The following LOC400499 variants were observed in gnomAD, a reference collection of about 807,000 sequenced individuals.
At chr16:11,511,538 C>A in the LOC400499 span, among the ~76,000 whole-genome samples, 2 of 152,150 alleles carry the variant, frequency 1.3e-5, no homozygotes, top group Non-Finnish European at 2.9e-5. Flanking sequence ...CCAATTCATG[C>A]CACAACATGG....
chr16:11,423,119 C>T, the LOC400499 span: 2 of 399,124 alleles, frequency 5.0e-6, no homozygotes, highest in East Asian at 3.6e-5. Context: ...GCTGTGCCAG[C>T]CCCGCTGGAG....
chr16:11,503,753 A>C, the LOC400499 span, among the ~76,000 whole-genome samples: 1 of 152,220 alleles, frequency 6.6e-6, no homozygotes, highest in Non-Finnish European at 1.5e-5. Flanking sequence ...TTCTGTGGTC[A>C]GAGCCAGTGG....
chr16:11,478,811 C>A, the LOC400499 span: 11 of 397,448 alleles, frequency 2.8e-5, no homozygotes, highest in African/African-American at 1.9e-4. Flanking sequence ...GTGGGAAGGA[C>A]CCTATGGGAG....
chr16:11,477,339 T>C, the LOC400499 span, among the ~76,000 whole-genome samples: 1 of 152,234 alleles, frequency 6.6e-6, no homozygotes, highest in African/African-American at 2.4e-5. Flanking sequence ...TGGGGACAGA[T>C]GCTCAGCAGC....
the LOC400499 span, chr16:11,478,585 C>G: frequency 1.2e-4 from 47 of 399,088 alleles, no homozygotes; most frequent in African/African-American, 4.5e-4. Context: ...GTTCACGTGA[C>G]TCCCCGTGGC....
At chr16:11,478,563 A>C in the LOC400499 span, 212,302 of 398,670 alleles carry the variant, frequency 0.53, 60,145 homozygotes, top group African/African-American at 0.85. Flanking sequence ...CGGCCAAGTT[A>C]AGGGGCCAGT....
At chr16:11,521,311 A>C in the LOC400499 span, among the ~76,000 whole-genome samples, 1 of 152,212 alleles carries the variant, frequency 6.6e-6, no homozygotes, top group African/African-American at 2.4e-5. Context: ...ATCCAGGAAA[A>C]ATATGAGGGT....
chr16:11,394,352 G>A, the LOC400499 span, among the ~76,000 whole-genome samples: 3 of 152,188 alleles, frequency 2.0e-5, no homozygotes, highest in East Asian at 1.9e-4. Flanking sequence ...GCCCTGCAGG[G>A]GAGGGAGCCT....
At chr16:11,513,852 AG>A in the LOC400499 span, among the ~76,000 whole-genome samples, 1 of 152,170 alleles carries the variant, frequency 6.6e-6, no homozygotes, top group South Asian at 2.1e-4. Context: ...ATCCTTCCAA[AG>A]TCCCAGCAGT....
the LOC400499 span, among the ~76,000 whole-genome samples, chr16:11,497,140 G>A: frequency 6.2e-4 from 95 of 152,280 alleles, no homozygotes; most frequent in African/African-American, 2.1e-3. Flanking sequence ...GTCTGTGCAT[G>A]TACACATGAT....
the LOC400499 span, among the ~76,000 whole-genome samples, chr16:11,522,488 C>A: frequency 6.6e-6 from 1 of 152,142 alleles, no homozygotes; most frequent in South Asian, 2.1e-4. Flanking sequence ...ATGCCAGTAA[C>A]CCAGCCCAGT....
the LOC400499 span, among the ~76,000 whole-genome samples, chr16:11,397,305 T>C: frequency 6.6e-6 from 1 of 152,196 alleles, no homozygotes; most frequent in South Asian, 2.1e-4. Flanking sequence ...GACAGAGTTA[T>C]GCTCTGTCGC....
chr16:11,460,577 G>A, the LOC400499 span: 1 of 1,535,252 alleles, frequency 6.5e-7, no homozygotes, highest in Non-Finnish European at 8.7e-7. Flanking sequence ...CTTCTGGCTG[G>A]TGCTGCACTC....
At chr16:11,478,908 G>C in the LOC400499 span, among the ~76,000 whole-genome samples, 1 of 152,122 alleles carries the variant, frequency 6.6e-6, no homozygotes. Flanking sequence ...TTAAAAATGG[G>C]GGTTTCTCTG....
chr16:11,525,610 G>A, the LOC400499 span, among the ~76,000 whole-genome samples: 29 of 152,078 alleles, frequency 1.9e-4, no homozygotes, highest in African/African-American at 6.3e-4. Context: ...TTACGTTCTC[G>A]ATTGTGCACA....
At chr16:11,460,474 C>T in the LOC400499 span, 2 of 1,519,598 alleles carry the variant, frequency 1.3e-6, no homozygotes, top group Non-Finnish European at 8.8e-7. Flanking sequence ...CCTGGGAACC[C>T]ACCTTGTGGC....
the LOC400499 span, chr16:11,461,227 G>C: frequency 7.3e-7 from 1 of 1,376,380 alleles, no homozygotes; most frequent in Admixed American, 2.7e-5. Context: ...CTTGGGGTTG[G>C]GGGCTCCTTG....
chr16:11,385,561 C>T, the LOC400499 span: 1 of 478,050 alleles, frequency 2.1e-6, no homozygotes, highest in Non-Finnish European at 3.3e-6. Context: ...CCTGGCGCAG[C>T]AGCCAGAGGC....
chr16:11,438,496 C>T, the LOC400499 span, among the ~76,000 whole-genome samples: 21 of 150,864 alleles, frequency 1.4e-4, no homozygotes, highest in Admixed American at 2.0e-4. Context: ...CAGGGCTGGG[C>T]GCATTGGCTC....
Sources: gnomAD v4.1 joint callset for allele counts (sites outside exome capture counted in the v4.1 genomes callset) on GRCh38, gnomAD v4.1.1 for gene constraint, MANE v1.5 for transcripts.